Variants in NR1I2 observed in about 807,000 individuals in gnomAD.
The protein encoded by NR1I2 is orphan nuclear receptor PAR1.
Under a neutral mutation model 43.3 loss-of-function variants are expected in NR1I2, and 42 were observed. The ratio of observed to expected loss-of-function variants is 0.97; its 90% CI spans 0.76 to 1.26. The LOEUF is 1.26. NR1I2 is among the 50% of genes most tolerant of loss of function. The pLI, the probability that NR1I2 is intolerant of heterozygous loss-of-function variation, is 0.00. For missense variants in NR1I2, 559 were observed against 566.7 expected (o/e 0.99, Z 0.14); for synonymous variants, 229 against 215.0 (o/e 1.06, Z -0.57).
chr3:119,813,095 C>A (rs948901581), intron 5 of NR1I2, 135 bp downstream of exon 5: 5 of 1,026,254 alleles, frequency 4.9e-6, no homozygotes, highest in Non-Finnish European at 7.3e-6. Context: ...GCCCTTTCCC[C>A]GGGCAGCCAG....
At chr3:119,795,672 C>T (rs557157859) in intron 1 of NR1I2, among the ~76,000 whole-genome samples, 1 of 152,272 alleles carries the variant, frequency 6.6e-6, no homozygotes, top group Non-Finnish European at 1.5e-5. Context: ...TTGACTCTTT[C>T]TAAACTACAA....
intron 1 of NR1I2, among the ~76,000 whole-genome samples, chr3:119,800,692 C>G (rs1489420480): frequency 6.6e-6 from 1 of 152,142 alleles, no homozygotes; most frequent in African/African-American, 2.4e-5. Context: ...CAAGATGCCT[C>G]TGGATGTGGT....
rs1205910367 is a variant in NR1I2 at position 119,811,569 on chromosome 3, G to A, written c.362G>A (p.Arg121Lys). Residue 121 changes from arginine (R) to lysine (K), a missense_variant, in exon 4 of 9, where the codon AGG becomes AAG. Physicochemically the swap from Arg to Lys is conservative, Grantham distance 26. Transcript: ENST00000393716. ...ATGTCCGACGAGGCCGTGGAGGAGA[G>A]GCGGGCCTTGATCAAGCGGAAGAAA... The A allele has an allele frequency of 6.2e-7, 1 of 1,613,368 alleles. No homozygotes were observed. The highest frequency in any genetic ancestry group is 2.2e-5 in the East Asian group (1 of 44,860).
chr3:119,785,641 C>T (rs1427046051), intron 1 of NR1I2, among the ~76,000 whole-genome samples: 6 of 152,142 alleles, frequency 3.9e-5, no homozygotes, highest in African/African-American at 1.4e-4. Flanking sequence ...AGGCCCCAGG[C>T]CTACAGGAGT....
At chr3:119,789,211 A>G (rs1222734927) in intron 1 of NR1I2, among the ~76,000 whole-genome samples, 1 of 152,204 alleles carries the variant, frequency 6.6e-6, no homozygotes. Context: ...TCAGGTTGGG[A>G]TCAAATGCAC....
intron 1 of NR1I2, chr3:119,782,906 C>A: frequency 7.0e-7 from 1 of 1,434,104 alleles, no homozygotes; most frequent in South Asian, 1.1e-5. Context: ...AGAACCGAGT[C>A]TTGCCTGCAT....
At chr3:119,807,500 A>C in intron 2 of NR1I2, 53 bp downstream of exon 2, 1 of 1,512,630 alleles carries the variant, frequency 6.6e-7, no homozygotes. Flanking sequence ...CCACTGGGTA[A>C]CGTCTCAGGG....
At chr3:119,810,861 G>A (rs1274427090) in intron 3 of NR1I2, among the ~76,000 whole-genome samples, 2 of 152,126 alleles carry the variant, frequency 1.3e-5, no homozygotes, top group African/African-American at 4.8e-5. Flanking sequence ...TCCCCACCAA[G>A]GACCTCATAG....
intron 1 of NR1I2, among the ~76,000 whole-genome samples, chr3:119,804,265 C>T (rs1191076841): frequency 6.7e-6 from 1 of 150,144 alleles, no homozygotes; most frequent in Non-Finnish European, 1.5e-5. Flanking sequence ...GTCCCAGCTA[C>T]TCGGGAGGCT....
At position 119,817,547 on chromosome 3, in the gene NR1I2, T is replaced by G. The variant is rs2055347676; in HGVS notation, c.*335T>G. 2 of 1,211,126 alleles carry G rather than the reference T, an allele frequency of 1.7e-6. No homozygotes were observed. Among genetic ancestry groups the G allele is most frequent in the African/African-American group, 3.1e-5 (2 of 63,790 alleles). The allele number at this position is 1,211,126 out of a possible 1,614,324, so 75.0% of individuals were successfully genotyped here. ...AGAAATCCCTCAGATCCCACTAAAGTGTCAAGGTGTGGAAGGGACCAAGCG... is the reference window on the plus strand; with the variant it reads ...AGAAATCCCTCAGATCCCACTAAAGGGTCAAGGTGTGGAAGGGACCAAGCG... On this transcript the variant is annotated 3_prime_UTR_variant, in exon 9 of 9. Coordinates refer to ENST00000393716, the MANE Select transcript of NR1I2 (RefSeq NM_003889.4).
chr3:119,803,349 AAG>A (rs3030842), intron 1 of NR1I2, among the ~76,000 whole-genome samples: 82,037 of 147,594 alleles, frequency 0.56, 22,831 homozygotes, highest in Middle Eastern at 0.65. Flanking sequence ...TCTGTCTCAA[AAG>A]AGAGAGAGAG....
intron 1 of NR1I2, among the ~76,000 whole-genome samples, chr3:119,784,016 C>T (rs1427620053): frequency 6.6e-6 from 1 of 152,120 alleles, no homozygotes; most frequent in Admixed American, 6.5e-5. Flanking sequence ...TCAGTCTTAC[C>T]AATGAACCTC....
chr3:119,797,277 G>T (rs1188088258), intron 1 of NR1I2, among the ~76,000 whole-genome samples: 1 of 150,338 alleles, frequency 6.7e-6, no homozygotes, highest in Non-Finnish European at 1.5e-5. Flanking sequence ...AAACACAGGG[G>T]ATCTTATACT....
intron 3 of NR1I2, 92 bp downstream of exon 3, chr3:119,810,286 C>G: frequency 6.7e-7 from 1 of 1,499,522 alleles, no homozygotes; most frequent in South Asian, 1.3e-5. Flanking sequence ...TGTGGAGATG[C>G]GCGCCGAGTG....
chr3:119,815,333 G>C lies in NR1I2; in HGVS notation c.948G>C (p.Gln316His). 6.2e-7 allele frequency: 1 copy of C among 1,614,010 alleles called. No homozygotes were observed. The highest frequency in any genetic ancestry group is 8.5e-7 in the Non-Finnish European group (1 of 1,179,968). ...TGTTACCATCCACAGGTGGCTTCCA[G>C]CAACTTCTACTGGAGCCCATGCTGA... The change falls in exon 7 of 9, where the codon CAG becomes CAC. Residue 316 changes from glutamine (Q) to histidine (H), a missense_variant. Coordinates refer to ENST00000393716, the MANE Select transcript of NR1I2 (RefSeq NM_003889.4).
chr3:119,804,858 C>A (rs769270743), intron 1 of NR1I2, among the ~76,000 whole-genome samples: 7 of 151,976 alleles, frequency 4.6e-5, no homozygotes, highest in Non-Finnish European at 8.8e-5. Flanking sequence ...TTTTTCCTTT[C>A]TATTAGCTTC....
At chr3:119,798,925 A>G (rs1481412796) in intron 1 of NR1I2, among the ~76,000 whole-genome samples, 1 of 152,214 alleles carries the variant, frequency 6.6e-6, no homozygotes, top group Admixed American at 6.5e-5. Context: ...GGTGCATTCC[A>G]CATTTTATTG....
intron 1 of NR1I2, among the ~76,000 whole-genome samples, chr3:119,802,263 T>C (rs1006703707): frequency 3.3e-5 from 5 of 152,244 alleles, no homozygotes; most frequent in East Asian, 1.9e-4. Flanking sequence ...ATGAAAGTTA[T>C]ACAAATACTG....
chr3:119,796,995 A>G (rs901157674), intron 1 of NR1I2, among the ~76,000 whole-genome samples: 3 of 152,178 alleles, frequency 2.0e-5, no homozygotes, highest in Non-Finnish European at 4.4e-5. Context: ...GACAATGCCC[A>G]CTATATCTCC....
Sources: gnomAD v4.1 joint callset for allele counts (sites outside exome capture counted in the v4.1 genomes callset) on GRCh38, gnomAD v4.1.1 for gene constraint, MANE v1.5 for transcripts, NCBI Gene and HGNC (gene_info 2026-07-23, HGNC 2026-07-21) for gene names.